The following SLC24A2 variants were observed in gnomAD, a reference collection of about 807,000 sequenced individuals.
The protein encoded by SLC24A2 is sodium/potassium/calcium exchanger 2.
In SLC24A2, 36 loss-of-function variants were observed where a neutral mutation model predicts 62.0. The ratio of observed to expected loss-of-function variants is 0.58; its 90% CI spans 0.44 to 0.77. SLC24A2 has a LOEUF of 0.77. Among genes scored for constraint, SLC24A2 ranks in the 30% least tolerant of loss-of-function variants. SLC24A2 has a pLI of 0.00. For synonymous variants in SLC24A2, 358 were observed against 294.0 expected, an observed-to-expected ratio of 1.22 and a Z score of -2.23; for missense variants, 846 against 817.9, an observed-to-expected ratio of 1.03 and a Z score of -0.42.
chr9:20,017,221 C>A, the SLC24A2 span, among the ~76,000 whole-genome samples: 6 of 152,022 alleles, frequency 3.9e-5, no homozygotes, highest in African/African-American at 1.4e-4. Flanking sequence ...CAGGGTTTCA[C>A]CACGTTGCCC....
At chr9:19,546,037 A>G (rs10964197) in intron 8 of SLC24A2, among the ~76,000 whole-genome samples, 1 of 152,226 alleles carries the variant, frequency 6.6e-6, no homozygotes. Flanking sequence ...AGGAGGCTGC[A>G]GAACAGCAAA....
the SLC24A2 span, among the ~76,000 whole-genome samples, chr9:20,026,227 T>G: frequency 6.6e-6 from 1 of 152,166 alleles, no homozygotes; most frequent in African/African-American, 2.4e-5. Context: ...TAGGGAATGG[T>G]GCTGATTGTA....
intron 10 of SLC24A2, among the ~76,000 whole-genome samples, chr9:19,517,172 C>T (rs539738635): frequency 1.3e-5 from 2 of 152,288 alleles, no homozygotes; most frequent in South Asian, 4.1e-4. Flanking sequence ...GTTTCCACTA[C>T]ACCACAAGCA....
the SLC24A2 span, among the ~76,000 whole-genome samples, chr9:20,190,972 C>T: frequency 6.6e-6 from 1 of 152,200 alleles, no homozygotes; most frequent in Non-Finnish European, 1.5e-5. Context: ...CCATGCTCTT[C>T]TCAAGGAGCT....
At chr9:19,993,080 C>G in the SLC24A2 span, among the ~76,000 whole-genome samples, 3 of 152,132 alleles carry the variant, frequency 2.0e-5, no homozygotes, top group Admixed American at 2.0e-4. Context: ...CCTTCAACCC[C>G]ATAAGGTAGC....
the SLC24A2 span, among the ~76,000 whole-genome samples, chr9:20,210,582 T>C: frequency 6.9e-6 from 1 of 144,250 alleles, no homozygotes; most frequent in Non-Finnish European, 1.5e-5. Flanking sequence ...CACGCCATTC[T>C]CCTGCCTCAG....
chr9:19,822,070 T>G, the SLC24A2 span, among the ~76,000 whole-genome samples: 2 of 152,196 alleles, frequency 1.3e-5, no homozygotes, highest in Non-Finnish European at 2.9e-5. Context: ...AAGGTACATT[T>G]TGAAACTAAG....
chr9:20,236,369 T>C, the SLC24A2 span, among the ~76,000 whole-genome samples: 1 of 152,218 alleles, frequency 6.6e-6, no homozygotes, highest in African/African-American at 2.4e-5. Context: ...ATGTCTTTCA[T>C]TATACAGAAA....
At chr9:19,700,462 T>A (rs1041797890) in intron 2 of SLC24A2, among the ~76,000 whole-genome samples, 1 of 152,212 alleles carries the variant, frequency 6.6e-6, no homozygotes, top group African/African-American at 2.4e-5. Flanking sequence ...TAAAAATGTA[T>A]GGATTCTTTT....
At chr9:20,047,731 A>G in the SLC24A2 span, among the ~76,000 whole-genome samples, 1 of 150,618 alleles carries the variant, frequency 6.6e-6, no homozygotes. Context: ...AACTAATCCC[A>G]ACCACGAGGG....
the SLC24A2 span, among the ~76,000 whole-genome samples, chr9:19,881,206 A>C: frequency 1.5e-3 from 227 of 152,312 alleles, 1 homozygote; most frequent in South Asian, 3.1e-3. Flanking sequence ...AACAGAGTTC[A>C]AAGACTGAGA....
chr9:19,926,952 G>C, the SLC24A2 span: 2 of 152,616 alleles, frequency 1.3e-5, no homozygotes, highest in Non-Finnish European at 2.9e-5. Flanking sequence ...GAGGAACGGG[G>C]TTTCCCAGGC....
chr9:20,269,187 G>A, the SLC24A2 span, among the ~76,000 whole-genome samples: 1 of 152,108 alleles, frequency 6.6e-6, no homozygotes, highest in Non-Finnish European at 1.5e-5. Context: ...CCGTGAAGGA[G>A]TCTAGACACT....
intron 8 of SLC24A2, among the ~76,000 whole-genome samples, chr9:19,535,440 A>C (rs201343876): frequency 1.3e-5 from 2 of 152,162 alleles, no homozygotes; most frequent in African/African-American, 4.8e-5. Flanking sequence ...GCCTATGTCC[A>C]GAATGGTATT....
chr9:19,931,513 A>G, the SLC24A2 span, among the ~76,000 whole-genome samples: 3,920 of 152,326 alleles, frequency 0.026, 150 homozygotes, highest in African/African-American at 0.088. Flanking sequence ...GTATACAAAC[A>G]TCATACTGAC....
At chr9:19,913,453 T>C in the SLC24A2 span, among the ~76,000 whole-genome samples, 1 of 152,048 alleles carries the variant, frequency 6.6e-6, no homozygotes. Context: ...CACCTCCATC[T>C]GTAAGGTGAT....
intron 2 of SLC24A2, among the ~76,000 whole-genome samples, chr9:19,693,659 T>C (rs1156587633): frequency 6.6e-6 from 1 of 152,102 alleles, no homozygotes. Flanking sequence ...AGCACTAAAG[T>C]CATCTTCCCT....
At chr9:20,048,757 AT>A in the SLC24A2 span, among the ~76,000 whole-genome samples, 24 of 152,076 alleles carry the variant, frequency 1.6e-4, no homozygotes, top group African/African-American at 4.6e-4. Context: ...AAAAAAAAAA[AT>A]CTCAATATTT....
chr9:20,231,811 C>T, the SLC24A2 span, among the ~76,000 whole-genome samples: 9 of 151,402 alleles, frequency 5.9e-5, no homozygotes, highest in Non-Finnish European at 5.9e-5. Flanking sequence ...CTGTCTTGTG[C>T]CCGTTTTCAT....
Sources: allele counts gnomAD v4.1 joint callset (sites outside exome capture counted in the v4.1 genomes callset), GRCh38; gene constraint gnomAD v4.1.1; transcripts MANE v1.5; gene names NCBI Gene and HGNC (gene_info 2026-07-23, HGNC 2026-07-21).